The following RTN4RL1 variants were observed in gnomAD, a reference collection of about 807,000 sequenced individuals.
The protein encoded by RTN4RL1 is reticulon-4 receptor-like 1.
A neutral mutation model predicts 25.6 loss-of-function variants in RTN4RL1; 7 were observed. The observed-to-expected ratio is 0.27, with a 90% confidence interval of 0.16 to 0.51. The LOEUF (loss-of-function observed/expected upper bound fraction) is 0.51, where lower values mean the gene tolerates loss of function less well. Among genes scored for constraint, RTN4RL1 ranks in the 20% least tolerant of loss-of-function variants. The pLI, the probability that RTN4RL1 is intolerant of heterozygous loss-of-function variation, is 0.97. For missense variants in RTN4RL1, 500 were observed against 615.6 expected (o/e 0.81, Z 1.99); for synonymous variants, 297 against 288.2 (o/e 1.03, Z -0.31).
intron 1 of RTN4RL1, among the ~76,000 whole-genome samples, chr17:1,941,722 T>G (rs1221162725): frequency 1.3e-5 from 2 of 151,452 alleles, no homozygotes; most frequent in African/African-American, 4.9e-5. Flanking sequence ...TCCTGGAGAG[T>G]AGGGATGTCT....
intron 1 of RTN4RL1, among the ~76,000 whole-genome samples, chr17:1,986,159 G>A (rs892273031): frequency 6.6e-6 from 1 of 152,052 alleles, no homozygotes; most frequent in African/African-American, 2.4e-5. Flanking sequence ...CGGGATCTGG[G>A]GTCCACAGAG....
chr17:1,996,762 G>A (rs1247616350), intron 1 of RTN4RL1, among the ~76,000 whole-genome samples: 1 of 152,122 alleles, frequency 6.6e-6, no homozygotes, highest in Non-Finnish European at 1.5e-5. Context: ...CAAAAAACAT[G>A]TCAACATTTT....
At chr17:1,949,533 G>A (rs1194942233) in intron 1 of RTN4RL1, among the ~76,000 whole-genome samples, 3 of 152,140 alleles carry the variant, frequency 2.0e-5, no homozygotes, top group African/African-American at 7.2e-5. Context: ...CAGCCCCGAA[G>A]ACCCGCCCCT....
At chr17:1,941,437 T>C (rs1010621530) in intron 1 of RTN4RL1, among the ~76,000 whole-genome samples, 1 of 151,596 alleles carries the variant, frequency 6.6e-6, no homozygotes, top group African/African-American at 2.4e-5. Flanking sequence ...CTGAGAGGGC[T>C]CCAGGCTTGG....
intron 1 of RTN4RL1, among the ~76,000 whole-genome samples, chr17:1,955,533 G>C (rs1915773082): frequency 6.6e-6 from 1 of 150,902 alleles, no homozygotes; most frequent in East Asian, 2.0e-4. Flanking sequence ...TCCAGCCTGG[G>C]TAACAGAGTG....
intron 1 of RTN4RL1, among the ~76,000 whole-genome samples, chr17:1,955,608 A>G (rs1420083239): frequency 6.6e-6 from 1 of 150,416 alleles, no homozygotes; most frequent in Non-Finnish European, 1.5e-5. Flanking sequence ...TTTTGAGAGA[A>G]AGTCTCACTC....
rs552081476 is a variant in RTN4RL1, at chr17:1,969,303, C to A, written c.14-31495G>T. Among the ~76,000 whole-genome samples the A allele has an allele frequency of 3.3e-3, 501 of 152,084 alleles. 2 individuals are homozygous for A. Among genetic ancestry groups the A allele is most frequent in the Non-Finnish European group, 5.6e-3 (383 of 67,990 alleles). On this transcript the variant is annotated intron_variant, in intron 1 of 1. Coordinates refer to ENST00000331238, the MANE Select transcript of RTN4RL1 (RefSeq NM_178568.4). ...TGAACTCCTGACCTTGTGATCCACC[C>A]GCCTCGGCCTCCCAAAGTGCTGGGA...
intron 1 of RTN4RL1, among the ~76,000 whole-genome samples, chr17:2,016,603 T>C (rs549221252): frequency 2.0e-5 from 3 of 152,184 alleles, no homozygotes; most frequent in African/African-American, 7.2e-5. Context: ...AAAGCCAGGG[T>C]TGCATACAGG....
In RTN4RL1 at chr17:2,011,232, CAA is replaced by C. The variant is rs2067045813; in HGVS notation, c.13+13619_13+13620del. Among the ~76,000 whole-genome samples the C allele has an allele frequency of 2.0e-5, 3 of 152,238 alleles. No individual in the cohort carries two copies. In the South Asian group the frequency reaches 6.2e-4, roughly 32 times the overall value. Reference sequence around the variant, plus strand: ...CGCCATTGCACTCCAGCCTGGGCAACAAGAGTGAAACTCCATCTCAAAAAAAT... The same window carrying C: ...CGCCATTGCACTCCAGCCTGGGCAACGAGTGAAACTCCATCTCAAAAAAAT... On this transcript the variant is annotated intron_variant, in intron 1 of 1. Transcript: ENST00000331238.
chr17:1,944,927 T>C (rs1290666407), intron 1 of RTN4RL1, among the ~76,000 whole-genome samples: 1 of 152,208 alleles, frequency 6.6e-6, no homozygotes, highest in African/African-American at 2.4e-5. Context: ...AGCACCCCTC[T>C]GTGGCTCCCA....
intron 1 of RTN4RL1, among the ~76,000 whole-genome samples, chr17:1,999,045 C>T (rs1263164465): frequency 1.3e-5 from 2 of 151,158 alleles, no homozygotes; most frequent in Non-Finnish European, 2.9e-5. Context: ...GCGATGTTCA[C>T]TCGCCCCAGA....
intron 1 of RTN4RL1, among the ~76,000 whole-genome samples, chr17:1,997,099 T>C (rs973960071): frequency 6.6e-6 from 1 of 152,254 alleles, no homozygotes; most frequent in Non-Finnish European, 1.5e-5. Context: ...TTTAAAAATG[T>C]AAATCAGATC....
chr17:1,953,636 C>G (rs1363969013), intron 1 of RTN4RL1, among the ~76,000 whole-genome samples: 2 of 152,088 alleles, frequency 1.3e-5, no homozygotes, highest in Non-Finnish European at 2.9e-5. Flanking sequence ...GTGATCTCGG[C>G]TCACTGCAAC....
intron 1 of RTN4RL1, among the ~76,000 whole-genome samples, chr17:1,949,771 A>G (rs1370550999): frequency 6.6e-6 from 1 of 152,178 alleles, no homozygotes; most frequent in Non-Finnish European, 1.5e-5. Context: ...GCCCCAAATG[A>G]CGGATCATGG....
chr17:2,006,705 C>T (rs1597240871), intron 1 of RTN4RL1, among the ~76,000 whole-genome samples: 1 of 152,254 alleles, frequency 6.6e-6, no homozygotes, highest in East Asian at 1.9e-4. Context: ...ACTGCAACTT[C>T]CGCCTCCCGG....
At chr17:1,943,565 T>C (rs1471317572) in intron 1 of RTN4RL1, among the ~76,000 whole-genome samples, 2 of 152,186 alleles carry the variant, frequency 1.3e-5, no homozygotes, top group African/African-American at 4.8e-5. Context: ...CCTGGCAGAT[T>C]GGCAGATCCT....
At chr17:1,977,788 C>T (rs928493399) in intron 1 of RTN4RL1, among the ~76,000 whole-genome samples, 2 of 152,128 alleles carry the variant, frequency 1.3e-5, no homozygotes, top group African/African-American at 4.8e-5. Flanking sequence ...GCCTGGCAAC[C>T]GCGCAGGTGT....
At chr17:2,024,810 G>C in intron 1 of RTN4RL1, 43 bp downstream of exon 1, 3 of 1,551,364 alleles carry the variant, frequency 1.9e-6, no homozygotes, top group Middle Eastern at 1.7e-4. Context: ...GGCTCTTTCC[G>C]GAGCGCATTC....
At chr17:1,949,240 C>T (rs533812603) in intron 1 of RTN4RL1, among the ~76,000 whole-genome samples, 103 of 152,172 alleles carry the variant, frequency 6.8e-4, no homozygotes, top group African/African-American at 1.4e-3. Context: ...GGATTACAGG[C>T]GTGAGCCACC....
Sources: gnomAD v4.1 joint callset for allele counts (sites outside exome capture counted in the v4.1 genomes callset) on GRCh38, gnomAD v4.1.1 for gene constraint, MANE v1.5 for transcripts, NCBI Gene and HGNC (gene_info 2026-07-23, HGNC 2026-07-21) for gene names.